KLF12: variants seen among roughly 807,000 people sequenced by gnomAD.
The protein encoded by KLF12 is Krueppel-like factor 12.
KLF12 carries 9 observed loss-of-function variants against 37.8 expected under a neutral mutation model. That is an observed-to-expected ratio of 0.24 (90% CI 0.14 to 0.42). KLF12 has a LOEUF of 0.42. KLF12 is among the 10% of genes least tolerant of loss of function. The pLI is 1.00. For missense variants in KLF12, 411 were observed against 516.0 expected, an observed-to-expected ratio of 0.80 and a Z score of 1.97; for synonymous variants, 208 against 202.1, an observed-to-expected ratio of 1.03 and a Z score of -0.25.
intron 1 of KLF12, among the ~76,000 whole-genome samples, chr13:74,085,307 T>C (rs1185307448): frequency 6.6e-6 from 1 of 152,226 alleles, no homozygotes; most frequent in Non-Finnish European, 1.5e-5. Context: ...TGTTAATGGC[T>C]GAATATAAAA....
At position 73,690,062 on chromosome 13, in the gene KLF12, A is replaced by G. The variant is rs1873731010; in HGVS notation, c.*5428T>C. 1 of 152,614 alleles carries G rather than the reference A, an allele frequency of 6.6e-6. No individual in the cohort carries two copies. The highest frequency in any genetic ancestry group is 6.6e-5 in the Admixed American group (1 of 15,266). 9.5% of individuals were successfully genotyped at this position (152,614 alleles called of 1,614,324 possible). Reference sequence around the variant, plus strand: ...AAGATTAGGTATATTTGAAAGCTATAAAAGCGTTTTTTGTGGGCATGTGAA... The same window carrying G: ...AAGATTAGGTATATTTGAAAGCTATGAAAGCGTTTTTTGTGGGCATGTGAA... On this transcript the variant is annotated 3_prime_UTR_variant, in exon 8 of 8. Transcript: ENST00000377669.
chr13:73,970,442 G>A (rs1340462357), intron 2 of KLF12, among the ~76,000 whole-genome samples: 1 of 151,712 alleles, frequency 6.6e-6, no homozygotes, highest in Non-Finnish European at 1.5e-5. Flanking sequence ...CCTCAGATCC[G>A]ACATAGCTGA....
At chr13:74,170,575 T>G in the KLF12 span, among the ~76,000 whole-genome samples, 3 of 152,218 alleles carry the variant, frequency 2.0e-5, no homozygotes, top group Admixed American at 1.3e-4. Context: ...ATGAGTATGT[T>G]TGGCCATTAT....
intron 1 of KLF12, among the ~76,000 whole-genome samples, chr13:74,113,139 G>A (rs898822790): frequency 5.3e-5 from 8 of 152,146 alleles, no homozygotes; most frequent in African/African-American, 1.9e-4. Flanking sequence ...GAAGAGTTTG[G>A]TTCATGAGGT....
chr13:73,741,320 G>T (rs1369127945), intron 6 of KLF12, among the ~76,000 whole-genome samples: 3 of 151,926 alleles, frequency 2.0e-5, no homozygotes, highest in African/African-American at 7.3e-5. Flanking sequence ...GCCTGCCAGG[G>T]TTGTTCCCTG....
At chr13:73,867,562 CAGAT>C (rs1406628153) in intron 3 of KLF12, among the ~76,000 whole-genome samples, 2 of 151,260 alleles carry the variant, frequency 1.3e-5, no homozygotes, top group Non-Finnish European at 2.9e-5. Context: ...CACTCAGTAA[CAGAT>C]AGACAAAGAG....
chr13:73,955,958 C>A (rs1890818653), intron 2 of KLF12, among the ~76,000 whole-genome samples: 1 of 152,202 alleles, frequency 6.6e-6, no homozygotes, highest in Non-Finnish European at 1.5e-5. Flanking sequence ...TTTTACCAAC[C>A]ATGCTTGTCT....
At chr13:73,820,433 A>G (rs533962877) in intron 4 of KLF12, among the ~76,000 whole-genome samples, 7 of 152,218 alleles carry the variant, frequency 4.6e-5, no homozygotes, top group Non-Finnish European at 8.8e-5. Context: ...AGTGAGAGAA[A>G]CATTCATGAG....
At chr13:74,158,007 C>T in the KLF12 span, among the ~76,000 whole-genome samples, 6 of 152,130 alleles carry the variant, frequency 3.9e-5, no homozygotes, top group Admixed American at 6.5e-5. Context: ...CTTATTCTCA[C>T]GCAAATTTAA....
chr13:74,297,151 T>C, the KLF12 span, among the ~76,000 whole-genome samples: 1 of 152,184 alleles, frequency 6.6e-6, no homozygotes, highest in East Asian at 1.9e-4. Context: ...ATAGGGTTTC[T>C]GTATTTATTG....
At chr13:74,193,279 CAA>C in the KLF12 span, among the ~76,000 whole-genome samples, 2 of 152,108 alleles carry the variant, frequency 1.3e-5, no homozygotes, top group Non-Finnish European at 2.9e-5. Flanking sequence ...AGTGCCCAGC[CAA>C]GGAAATTTTC....
At chr13:74,113,398 G>C (rs7988107) in intron 1 of KLF12, among the ~76,000 whole-genome samples, 28,443 of 152,178 alleles carry the variant, frequency 0.19, 3,478 homozygotes, top group African/African-American at 0.35. Context: ...CAATCTCAAA[G>C]CACAGGCTGA....
chr13:74,011,650 T>C (rs1279693801), intron 1 of KLF12, among the ~76,000 whole-genome samples: 1 of 152,162 alleles, frequency 6.6e-6, no homozygotes, highest in Non-Finnish European at 1.5e-5. Context: ...ATTAAATCCA[T>C]GTGAATGAAA....
chr13:74,132,261 T>C (rs1878301718), intron 1 of KLF12, among the ~76,000 whole-genome samples: 1 of 152,200 alleles, frequency 6.6e-6, no homozygotes, highest in Admixed American at 6.5e-5. Flanking sequence ...CCACCAAATT[T>C]ATTTCAAAGC....
At chr13:74,215,427 C>CTTTTTT in the KLF12 span, among the ~76,000 whole-genome samples, 6 of 60,374 alleles carry the variant, frequency 9.9e-5, no homozygotes, top group Admixed American at 2.0e-4. Context: ...CCTCTGGGTT[C>CTTTTTT]TTTTTTTTTT....
the KLF12 span, among the ~76,000 whole-genome samples, chr13:74,290,824 C>T: frequency 6.6e-6 from 1 of 152,164 alleles, no homozygotes; most frequent in African/African-American, 2.4e-5. Flanking sequence ...TAATTTATAC[C>T]TGATTTACAT....
chr13:73,835,742 G>A (rs1299020276), intron 4 of KLF12, among the ~76,000 whole-genome samples: 2 of 152,100 alleles, frequency 1.3e-5, no homozygotes, highest in African/African-American at 4.8e-5. Context: ...TTGCATATAT[G>A]TAAACAAGTT....
At chr13:73,871,405 CCTGTACCATA>C (rs1411682642) in intron 3 of KLF12, among the ~76,000 whole-genome samples, 1 of 152,108 alleles carries the variant, frequency 6.6e-6, no homozygotes, top group African/African-American at 2.4e-5. Context: ...GTTCGTGTTT[CCTGTACCATA>C]CACTAACTGA....
the KLF12 span, among the ~76,000 whole-genome samples, chr13:74,193,997 G>A: frequency 6.6e-6 from 1 of 152,052 alleles, no homozygotes; most frequent in Admixed American, 6.6e-5. Context: ...ACATTTTGAT[G>A]GGTTTGGATA....
Sources: gnomAD v4.1 joint callset for allele counts (sites outside exome capture counted in the v4.1 genomes callset) on GRCh38, gnomAD v4.1.1 for gene constraint, MANE v1.5 for transcripts, NCBI Gene and HGNC (gene_info 2026-07-23, HGNC 2026-07-21) for gene names.